WDR70: variants seen among roughly 807,000 people sequenced by gnomAD.
WDR70 encodes the protein WD repeat-containing protein 70.
WDR70 carries 53 observed loss-of-function variants against 88.6 expected under a neutral mutation model. That is an observed-to-expected ratio of 0.60 (90% CI 0.48 to 0.75). WDR70 has a LOEUF of 0.75. Ranked by LOEUF, WDR70 falls within the 30% of genes least tolerant of loss-of-function variation. The pLI, the probability that WDR70 is intolerant of heterozygous loss-of-function variation, is 0.00. For synonymous variants in WDR70, 280 were observed against 270.0 expected, an observed-to-expected ratio of 1.04 and a Z score of -0.36; for missense variants, 610 against 823.2, an observed-to-expected ratio of 0.74 and a Z score of 3.17.
chr5:37,496,131 G>C (rs1399065901), intron 8 of WDR70, among the ~76,000 whole-genome samples: 1 of 152,154 alleles, frequency 6.6e-6, no homozygotes, highest in Non-Finnish European at 1.5e-5. Flanking sequence ...GTTTTTAAAT[G>C]CACCAATCAG....
At chr5:37,546,083 A>G (rs1373893718) in intron 9 of WDR70, among the ~76,000 whole-genome samples, 1 of 152,324 alleles carries the variant, frequency 6.6e-6, no homozygotes, top group East Asian at 1.9e-4. Context: ...TGTATTGATC[A>G]GGGAAGAGTT....
At chr5:37,746,284 G>C (rs924616202) in intron 17 of WDR70, among the ~76,000 whole-genome samples, 2 of 152,176 alleles carry the variant, frequency 1.3e-5, no homozygotes, top group Non-Finnish European at 2.9e-5. Flanking sequence ...GCAGTATTAA[G>C]AGGGAAATTT....
chr5:37,586,215 ACT>A (rs1168656790), intron 9 of WDR70, among the ~76,000 whole-genome samples: 4 of 151,460 alleles, frequency 2.6e-5, no homozygotes. Context: ...ATGCTTGAAC[ACT>A]CTTTGCCTGC....
chr5:37,506,593 C>G, intron 8 of WDR70: 1 of 775,902 alleles, frequency 1.3e-6, no homozygotes, highest in Non-Finnish European at 2.4e-6. Context: ...GTTAGCCACT[C>G]TGTGTGGAAT....
rs766653864 is a variant in WDR70 at position 37,697,749 on chromosome 5, G to A, written c.1187G>A (p.Arg396His). 1.2e-5 allele frequency: 19 copies of A among 1,612,224 alleles called. No individual in the cohort carries two copies. In the Admixed American group the frequency reaches 1.3e-4, roughly 11 times the overall value. ...FSYDGNVLAS[R>H]GGDDSLKLWD... ...TATGATGGTAATGTCCTTGCCTCTC[G>A]TGGAGGTAGGTTAAAAGCTTTCTTT... is the stretch of plus-strand genomic sequence containing the variant. Residue 396 changes from arginine to histidine, a missense_variant, in exon 11 of 18, where the codon CGT (arginine) becomes CAT (histidine). Physicochemically the swap from Arg to His is conservative, Grantham distance 29. Around this residue, in one of 4 missense-constraint regions of WDR70, gnomAD observed 254 missense variants for 300.7 expected, o/e 0.84. Coordinates refer to ENST00000265107, the MANE Select transcript of WDR70 (RefSeq NM_018034.4).
intron 10 of WDR70, among the ~76,000 whole-genome samples, chr5:37,694,009 A>G (rs1438553119): frequency 6.6e-6 from 1 of 152,196 alleles, no homozygotes; most frequent in Admixed American, 6.5e-5. Context: ...AATTTACAAG[A>G]CAAAAATAAC....
chr5:37,717,914 G>A (rs924223883), intron 13 of WDR70, among the ~76,000 whole-genome samples: 5 of 152,118 alleles, frequency 3.3e-5, no homozygotes, highest in African/African-American at 9.7e-5. Context: ...TCTTCATTTC[G>A]TGTTTTAGAA....
chr5:37,630,202 T>C (rs1369762931), intron 10 of WDR70, among the ~76,000 whole-genome samples: 1 of 152,190 alleles, frequency 6.6e-6, no homozygotes, highest in Non-Finnish European at 1.5e-5. Flanking sequence ...TCACTGGGGT[T>C]GTAGCCACAG....
intron 9 of WDR70, among the ~76,000 whole-genome samples, chr5:37,557,534 C>G (rs959552264): frequency 6.6e-6 from 1 of 152,132 alleles, no homozygotes; most frequent in African/African-American, 2.4e-5. Flanking sequence ...TCAGCAATTG[C>G]AAGAGCCTTC....
At chr5:37,696,836 G>A (rs1445557466) in intron 10 of WDR70, among the ~76,000 whole-genome samples, 1 of 152,186 alleles carries the variant, frequency 6.6e-6, no homozygotes, top group Non-Finnish European at 1.5e-5. Context: ...TAACTGAGTG[G>A]CAAGATTGGT....
At chr5:37,478,984 A>G (rs1295240493) in intron 7 of WDR70, among the ~76,000 whole-genome samples, 1 of 152,154 alleles carries the variant, frequency 6.6e-6, no homozygotes, top group Non-Finnish European at 1.5e-5. Context: ...GGAGATGAGG[A>G]GGCTTGAAAA....
At chr5:37,551,111 C>G (rs771670035) in intron 9 of WDR70, among the ~76,000 whole-genome samples, 5 of 151,944 alleles carry the variant, frequency 3.3e-5, no homozygotes, top group Admixed American at 6.6e-5. Flanking sequence ...CAAGACCAGC[C>G]TGACCAACAT....
intron 9 of WDR70, among the ~76,000 whole-genome samples, chr5:37,562,094 A>G (rs1581394759): frequency 6.6e-6 from 1 of 152,346 alleles, no homozygotes; most frequent in East Asian, 1.9e-4. Flanking sequence ...GCGGTGGCTC[A>G]TGCCTGTTAT....
intron 7 of WDR70, among the ~76,000 whole-genome samples, chr5:37,445,305 A>G (rs1477235602): frequency 6.8e-6 from 1 of 147,258 alleles, no homozygotes; most frequent in African/African-American, 2.5e-5. Context: ...AGTTTGGTAT[A>G]TGTAACTGTC....
chr5:37,690,024 G>A (rs1221768386), intron 10 of WDR70, among the ~76,000 whole-genome samples: 1 of 152,226 alleles, frequency 6.6e-6, no homozygotes, highest in Non-Finnish European at 1.5e-5. Flanking sequence ...TAAATGACGT[G>A]ATGGAGCTGA....
intron 9 of WDR70, among the ~76,000 whole-genome samples, chr5:37,566,254 A>G (rs1272430378): frequency 6.6e-6 from 1 of 152,076 alleles, no homozygotes; most frequent in African/African-American, 2.4e-5. Context: ...TGCTATATGC[A>G]TTAAATACTT....
intron 5 of WDR70, among the ~76,000 whole-genome samples, chr5:37,424,148 C>CAAAAAAAAAAAAAAAAAAAAAAAA (rs11304949): frequency 1.8e-5 from 1 of 55,494 alleles, no homozygotes; most frequent in Admixed American, 3.2e-4. Flanking sequence ...GACTCCATCT[C>CAAAAAAAAAAAAAAAAAAAAAAAA]AAAAAAAAAA....
intron 5 of WDR70, among the ~76,000 whole-genome samples, chr5:37,431,885 T>G (rs1405020723): frequency 1.3e-5 from 2 of 152,252 alleles, no homozygotes; most frequent in Non-Finnish European, 2.9e-5. Flanking sequence ...TGTGTCGGAA[T>G]TTTCTTTCTT....
chr5:37,585,164 G>T (rs1743331265), intron 9 of WDR70, among the ~76,000 whole-genome samples: 1 of 151,654 alleles, frequency 6.6e-6, no homozygotes, highest in Admixed American at 6.6e-5. Context: ...CTAATTTTTT[G>T]CATTTTTAGT....
Sources: gnomAD v4.1 joint callset for allele counts (sites outside exome capture counted in the v4.1 genomes callset) on GRCh38, gnomAD v4.1.1 for gene constraint, gnomAD v4.1.1 regional missense constraint, MANE v1.5 for transcripts, NCBI Gene and HGNC (gene_info 2026-07-23, HGNC 2026-07-21) for gene names.